Variants in SCCPDH observed in about 807,000 individuals in gnomAD.
SCCPDH encodes saccharopine dehydrogenase-like oxidoreductase.
In SCCPDH, 34 loss-of-function variants were observed where a neutral mutation model predicts 51.5. That is an observed-to-expected ratio of 0.66 (90% CI 0.50 to 0.88). The LOEUF is 0.88. SCCPDH is among the 40% of genes least tolerant of loss of function. The pLI, the probability that SCCPDH is intolerant of heterozygous loss-of-function variation, is 0.00. For missense variants in SCCPDH, 464 were observed against 527.1 expected (o/e 0.88, Z 1.17); for synonymous variants, 187 against 191.3 (o/e 0.98, Z 0.19).
At chr1:246,736,223 C>T (rs1475339275) in intron 3 of SCCPDH, among the ~76,000 whole-genome samples, 168 bp downstream of exon 3, 1 of 152,184 alleles carries the variant, frequency 6.6e-6, no homozygotes, top group Non-Finnish European at 1.5e-5. Flanking sequence ...AAGGAGAGCG[C>T]TGATGGTAAG....
At chr1:246,726,455 C>T (rs1210060159) in intron 1 of SCCPDH, among the ~76,000 whole-genome samples, 1 of 151,044 alleles carries the variant, frequency 6.6e-6, no homozygotes, top group Non-Finnish European at 1.5e-5. Context: ...CCAAGCTGGT[C>T]TGGAACTCCT....
chr1:246,759,604 G>C (rs917273851), intron 7 of SCCPDH, among the ~76,000 whole-genome samples: 1 of 152,160 alleles, frequency 6.6e-6, no homozygotes, highest in African/African-American at 2.4e-5. Context: ...AAGGTGGAGG[G>C]CATTTTCTTA....
chr1:246,767,112 G>A (rs1386012977), intron 11 of SCCPDH, 83 bp from the exon 12 acceptor site: 2 of 902,302 alleles, frequency 2.2e-6, no homozygotes, highest in East Asian at 2.9e-5. Context: ...CAGGGGTTCT[G>A]TAGCAATTTG....
intron 2 of SCCPDH, among the ~76,000 whole-genome samples, chr1:246,727,574 A>G (rs1295562883): frequency 1.3e-5 from 2 of 152,234 alleles, no homozygotes; most frequent in Non-Finnish European, 2.9e-5. Flanking sequence ...GCTTTGAAGA[A>G]AAGTGAAGCC....
At chr1:246,741,394 T>G (rs914252335) in intron 4 of SCCPDH, among the ~76,000 whole-genome samples, 1 of 136,976 alleles carries the variant, frequency 7.3e-6, no homozygotes, top group African/African-American at 2.8e-5. Flanking sequence ...ATGCCTGGGC[T>G]CAGGCAGTGC....
Position 246,740,428 on chromosome 1 carries a change from A to G in SCCPDH, c.514+127A>G, listed in dbSNP as rs924075363. On this transcript the variant is annotated intron_variant, in intron 4 of 11. Transcript: ENST00000366510. ...TAGCCATAAATGGGTAATATTAAACACATGTTTTGTTTTTAATATAGCTGC... is the reference window on the plus strand; with the variant it reads ...TAGCCATAAATGGGTAATATTAAACGCATGTTTTGTTTTTAATATAGCTGC... 12 of 725,222 alleles carry G rather than the reference A, an allele frequency of 1.7e-5. No individual in the cohort carries two copies. The East Asian group carries it at 3.3e-4, about 20-fold the overall frequency. 44.9% of individuals were successfully genotyped at this position (725,222 alleles called of 1,614,324 possible).
intron 9 of SCCPDH, among the ~76,000 whole-genome samples, chr1:246,760,712 A>C (rs1467601728): frequency 6.6e-6 from 1 of 152,180 alleles, no homozygotes; most frequent in Non-Finnish European, 1.5e-5. Flanking sequence ...CGTTTGGCTT[A>C]CAGATCCCAA....
chr1:246,761,371 G>A (rs1240968614), intron 9 of SCCPDH, among the ~76,000 whole-genome samples: 3 of 152,102 alleles, frequency 2.0e-5, no homozygotes, highest in African/African-American at 4.8e-5. Context: ...CACTGCGCCC[G>A]GCCTCTTTTT....
Position 246,724,552 on chromosome 1 carries a change from G to C in SCCPDH, c.130G>C (p.Val44Leu), listed in dbSNP as rs1321570356. The change falls in exon 1 of 12, where the codon GTG becomes CTG. Residue 44 changes from valine to leucine, a missense_variant. Physicochemically the swap from Val to Leu is conservative, Grantham distance 32 (BLOSUM62 1). Transcript: ENST00000366510. ...PERSSRLPWA[V>L]AGRSREKLQR... ...GCGGAGCTCCCGCCTGCCCTGGGCC[G>C]TGGCGGGCCGCTCCCGGGAGAAGCT... 4 of 1,542,526 alleles carry C rather than the reference G, an allele frequency of 2.6e-6. No individual in the cohort carries two copies. The South Asian group carries it at 3.6e-5, about 14-fold the overall frequency.
chr1:246,727,667 C>T (rs1427030481), intron 2 of SCCPDH, among the ~76,000 whole-genome samples: 1 of 152,152 alleles, frequency 6.6e-6, no homozygotes, highest in Non-Finnish European at 1.5e-5. Context: ...GACATTTGAG[C>T]CAAGATCTGA....
At chr1:246,760,491 C>G (rs941356602) in intron 9 of SCCPDH, among the ~76,000 whole-genome samples, 1 of 152,156 alleles carries the variant, frequency 6.6e-6, no homozygotes, top group African/African-American at 2.4e-5. Flanking sequence ...GATGAGAACC[C>G]AGCCATTTAG....
At chr1:246,751,717 C>T (rs1375226284) in intron 5 of SCCPDH, among the ~76,000 whole-genome samples, 1 of 151,912 alleles carries the variant, frequency 6.6e-6, no homozygotes, top group African/African-American at 2.4e-5. Flanking sequence ...TTTAAACAAC[C>T]AGTTAATTTA....
intron 3 of SCCPDH, among the ~76,000 whole-genome samples, 200 bp downstream of exon 3, chr1:246,736,255 A>AT (rs1055986669): frequency 2.0e-5 from 3 of 152,032 alleles, no homozygotes; most frequent in Non-Finnish European, 2.9e-5. Context: ...AGTTTTCTGA[A>AT]TTTTTTCCCT....
At chr1:246,739,847 T>TG (rs1471440918) in intron 3 of SCCPDH, among the ~76,000 whole-genome samples, 1 of 152,110 alleles carries the variant, frequency 6.6e-6, no homozygotes, top group Admixed American at 6.6e-5. Context: ...ATCTGGGTAA[T>TG]GCTGTTTGGG....
At chr1:246,762,841 C>CAAAAAAAAAAAAAAAAAAAAAA in intron 9 of SCCPDH, among the ~76,000 whole-genome samples, 1 of 90,940 alleles carries the variant, frequency 1.1e-5, no homozygotes, top group Non-Finnish European at 2.2e-5. Flanking sequence ...ATTCCTTCTC[C>CAAAAAAAAAAAAAAAAAAAAAA]AAAAAAAAAA....
At chr1:246,757,972 C>T (rs1178195062) in intron 5 of SCCPDH, among the ~76,000 whole-genome samples, 1 of 150,924 alleles carries the variant, frequency 6.6e-6, no homozygotes, top group Non-Finnish European at 1.5e-5. Flanking sequence ...AACTAAATAA[C>T]TTATTACAGA....
intron 3 of SCCPDH, 54 bp from the exon 4 acceptor site, chr1:246,740,118 C>T (rs1415622502): frequency 1.5e-6 from 2 of 1,356,690 alleles, no homozygotes; most frequent in African/African-American, 2.9e-5. Context: ...TTATTTAATA[C>T]TGGTCTACAT....
chr1:246,733,513 C>CA (rs1668525397), intron 2 of SCCPDH, among the ~76,000 whole-genome samples: 2 of 150,182 alleles, frequency 1.3e-5, no homozygotes, highest in African/African-American at 5.0e-5. Context: ...CACACACACA[C>CA]TTTTTTTCTT....
In SCCPDH at chr1:246,743,924, A is replaced by G. The variant is rs1668718092; in HGVS notation, c.515-152A>G. 18 of 530,698 alleles carry G rather than the reference A, an allele frequency of 3.4e-5. 1 individual carries two copies. In the South Asian group the frequency reaches 5.0e-4, roughly 15 times the overall value. 32.9% of individuals were successfully genotyped at this position (530,698 alleles called of 1,614,324 possible). A position where few individuals can be genotyped will look rare whatever the true frequency, so the allele number is the denominator to read the frequency against. On this transcript the variant is annotated intron_variant, in intron 4 of 11. Coordinates refer to ENST00000366510, the MANE Select transcript of SCCPDH (RefSeq NM_016002.3). The stretch of plus-strand genomic sequence containing the variant: ...ACTTCGTAAGTCTGTGTACAAAAAC[A>G]TAATAAAACTGTTGTCTGTACAAAT...
Sources: gnomAD v4.1 joint callset for allele counts (sites outside exome capture counted in the v4.1 genomes callset) on GRCh38, gnomAD v4.1.1 for gene constraint, MANE v1.5 for transcripts, NCBI Gene and HGNC (gene_info 2026-07-23, HGNC 2026-07-21) for gene names.